ST18: variants seen among roughly 807,000 people sequenced by gnomAD.
The protein encoded by ST18 is suppression of tumorigenicity 18 protein.
A neutral mutation model predicts 110.0 loss-of-function variants in ST18; 50 were observed. That is an observed-to-expected ratio of 0.45 (90% confidence interval 0.36 to 0.58). ST18 has a LOEUF of 0.58. Among genes scored for constraint, ST18 ranks in the 20% least tolerant of loss-of-function variants. The probability of loss-of-function intolerance (pLI) is 0.00; values close to 1 mark genes in which losing one functional copy is unlikely to be tolerated. For synonymous variants in ST18, 461 were observed against 452.4 expected (o/e 1.02, Z -0.24); for missense variants, 1,306 against 1,280.1 (o/e 1.02, Z -0.31).
chr8:52,316,684 A>G (rs1176163749), intron 2 of ST18, among the ~76,000 whole-genome samples: 1 of 152,242 alleles, frequency 6.6e-6, no homozygotes, highest in East Asian at 1.9e-4. Flanking sequence ...ACCTATGTAT[A>G]GAGAAGCTAA....
At chr8:52,119,826 T>TA (rs1206692049) in intron 23 of ST18, among the ~76,000 whole-genome samples, 2 of 152,294 alleles carry the variant, frequency 1.3e-5, no homozygotes, top group African/African-American at 2.4e-5. Flanking sequence ...ACTGCTTTAT[T>TA]AAAAGTAACT....
intron 2 of ST18, among the ~76,000 whole-genome samples, chr8:52,307,277 G>A (rs1361178624): frequency 6.6e-6 from 1 of 152,124 alleles, no homozygotes; most frequent in African/African-American, 2.4e-5. Flanking sequence ...CTTTGAATTA[G>A]CCCAAATTCC....
intron 2 of ST18, among the ~76,000 whole-genome samples, chr8:52,328,082 C>T (rs746069718): frequency 4.6e-5 from 7 of 152,172 alleles, no homozygotes; most frequent in Non-Finnish European, 1.0e-4. Flanking sequence ...ATCCTATAGC[C>T]TTAGCAGAGT....
intron 2 of ST18, among the ~76,000 whole-genome samples, chr8:52,379,374 A>T (rs7463244): frequency 0.75 from 114,699 of 152,048 alleles, 48,176 homozygotes; most frequent in Non-Finnish European, 0.93. Flanking sequence ...CTAGGATTAC[A>T]GGCATGAGAC....
rs114465707 is a variant in ST18 at position 52,158,699 on chromosome 8, T to C, written c.1806+199A>G. ...CTTCAAGAGGAGCCACAGAGCAGGA[T>C]GTGCACACTTTCATCCTTCTTTGAC... On this transcript the variant is annotated intron_variant, in intron 15 of 25. Transcript: ENST00000689386. 3.2e-3 allele frequency among the ~76,000 whole-genome samples: 491 copies of C among 152,324 alleles called. 4 individuals are homozygous for C. Among genetic ancestry groups the C allele is most frequent in the African/African-American group, 0.011 (448 of 41,566 alleles).
At chr8:52,167,110 A>C in intron 10 of ST18, 124 bp from the exon 11 acceptor site, 1 of 1,317,342 alleles carries the variant, frequency 7.6e-7, no homozygotes, top group Non-Finnish European at 1.0e-6. Flanking sequence ...CATTCTTCTC[A>C]CATCGCCTTG....
intron 2 of ST18, among the ~76,000 whole-genome samples, chr8:52,334,733 T>C (rs1811251420): frequency 6.6e-6 from 1 of 152,174 alleles, no homozygotes; most frequent in South Asian, 2.1e-4. Context: ...TCCTTAAAGC[T>C]ACCTCTGTAT....
At chr8:52,305,178 T>A (rs1224683961) in intron 2 of ST18, among the ~76,000 whole-genome samples, 6 of 152,192 alleles carry the variant, frequency 3.9e-5, no homozygotes, top group Non-Finnish European at 8.8e-5. Flanking sequence ...TCAGGTAATG[T>A]CTATATGATA....
At position 52,212,103 on chromosome 8, in the gene ST18, A is replaced by C; in HGVS notation, c.62T>G (p.Met21Arg). ...CCTGAGCTCCTGGATTAGTGAATCC[A>C]TTGGCACTGTTGACAAAAGAAGAAA... is the stretch of plus-strand genomic sequence containing the variant. The part of the protein sequence containing the change: ...RTRSKGTEVP[M>R]DSLIQELSVA... The change falls in exon 8 of 26, where the codon ATG (methionine) becomes AGG (arginine). Residue 21 changes from methionine (M) to arginine (R), a missense_variant. Coordinates refer to ENST00000689386, the MANE Select transcript of ST18 (RefSeq NM_001352837.2). The C allele has an allele frequency of 6.2e-7, 1 of 1,604,004 alleles. No individual in the cohort carries two copies. The highest frequency in any genetic ancestry group is 8.5e-7 in the Non-Finnish European group (1 of 1,177,990).
chr8:52,325,669 T>C (rs1174956166), intron 2 of ST18, among the ~76,000 whole-genome samples: 1 of 152,218 alleles, frequency 6.6e-6, no homozygotes, highest in African/African-American at 2.4e-5. Context: ...TTTTCTGATC[T>C]TCAGTATCTT....
chr8:52,240,468 C>T (rs936918899), intron 2 of ST18, among the ~76,000 whole-genome samples: 14 of 152,248 alleles, frequency 9.2e-5, no homozygotes, highest in African/African-American at 3.1e-4. Flanking sequence ...TGCTTTCCTT[C>T]TTTCTTCTGG....
At chr8:52,137,506 A>G in intron 17 of ST18, 23 bp from the exon 18 acceptor site, 1 of 1,613,176 alleles carries the variant, frequency 6.2e-7, no homozygotes, top group Admixed American at 1.7e-5. Flanking sequence ...AAAATACATC[A>G]TTAGAGTCAA....
In ST18 at chr8:52,209,644, C is replaced by A. The variant is rs568204796; in HGVS notation, c.86+2435G>T. Reference sequence around the variant, plus strand: ...AATTAGCCCGGCATGGTGGCTCATGCCTGTAATCCCAGCTACTCGACAGGC... The same window carrying A: ...AATTAGCCCGGCATGGTGGCTCATGACTGTAATCCCAGCTACTCGACAGGC... On this transcript the variant is annotated intron_variant, in intron 8 of 25. Transcript: ENST00000689386. 4.0e-5 allele frequency among the ~76,000 whole-genome samples: 6 copies of A among 151,660 alleles called. No homozygotes were observed. In the South Asian group the frequency reaches 8.4e-4, roughly 21 times the overall value.
At chr8:52,263,020 G>T (rs16917596) in intron 2 of ST18, among the ~76,000 whole-genome samples, 8,602 of 152,230 alleles carry the variant, frequency 0.057, 821 homozygotes, top group African/African-American at 0.2. Flanking sequence ...GAGCCACCTC[G>T]ACTGAAGTTG....
chr8:52,339,867 C>T (rs552220034), intron 2 of ST18, among the ~76,000 whole-genome samples: 4 of 152,234 alleles, frequency 2.6e-5, no homozygotes, highest in Non-Finnish European at 1.5e-5. Flanking sequence ...CTCTTCTCTT[C>T]CCACGCCTAT....
chr8:52,114,609 A>G (rs1035864725), intron 25 of ST18, among the ~76,000 whole-genome samples: 11 of 152,130 alleles, frequency 7.2e-5, no homozygotes, highest in Non-Finnish European at 5.9e-5. Flanking sequence ...TCCAATCATG[A>G]TTCTCTGTCC....
rs116460403 is a variant in ST18 at position 52,352,850 on chromosome 8, T to C, written c.-465+56478A>G. Among the ~76,000 whole-genome samples the C allele has an allele frequency of 3.5e-3, 537 of 152,328 alleles. 3 individuals carry two copies. Among genetic ancestry groups the C allele is most frequent in the African/African-American group, 0.011 (451 of 41,574 alleles). On this transcript the variant is annotated intron_variant, in intron 2 of 25. Coordinates refer to ENST00000689386, the MANE Select transcript of ST18 (RefSeq NM_001352837.2). ...GTTACCACCTATATACCAGGCAGTATGTATTTAAAATTCCTCATTTCTTGT... is the reference window on the plus strand; with the variant it reads ...GTTACCACCTATATACCAGGCAGTACGTATTTAAAATTCCTCATTTCTTGT...
intron 2 of ST18, among the ~76,000 whole-genome samples, chr8:52,272,186 A>C (rs1279986223): frequency 6.6e-6 from 1 of 152,210 alleles, no homozygotes; most frequent in Non-Finnish European, 1.5e-5. Context: ...ACAGGCAACA[A>C]AAAACAAAAA....
In ST18 at chr8:52,144,630, T is replaced by C. The variant is rs116764536; in HGVS notation, c.2053-1585A>G. Among the ~76,000 whole-genome samples the C allele has an allele frequency of 8.9e-3, 1,357 of 152,280 alleles. 15 individuals are homozygous for C. The highest frequency in any genetic ancestry group is 0.031 in the African/African-American group (1,291 of 41,580). ...ATGAAACCTGATTTAGTACAATTTATCCATATTATTGATGGTATTAAGTGT... is the reference window on the plus strand; with the variant it reads ...ATGAAACCTGATTTAGTACAATTTACCCATATTATTGATGGTATTAAGTGT... On this transcript the variant is annotated intron_variant, in intron 16 of 25. Coordinates refer to ENST00000689386, the MANE Select transcript of ST18 (RefSeq NM_001352837.2).
Sources: gnomAD v4.1 joint callset for allele counts (sites outside exome capture counted in the v4.1 genomes callset) on GRCh38, gnomAD v4.1.1 for gene constraint, MANE v1.5 for transcripts, NCBI Gene and HGNC (gene_info 2026-07-23, HGNC 2026-07-21) for gene names.